SRGAP2: variants seen among roughly 807,000 people sequenced by gnomAD.
SRGAP2 encodes SLIT-ROBO Rho GTPase-activating protein 2.
In SRGAP2, 15 loss-of-function variants were observed where a neutral mutation model predicts 57.2. That is an observed-to-expected ratio of 0.26 (90% CI 0.18 to 0.40). SRGAP2 has a LOEUF of 0.40. Among genes scored for constraint, SRGAP2 ranks in the 10% least tolerant of loss-of-function variants. The probability of loss-of-function intolerance (pLI) is 1.00; values close to 1 mark genes in which losing one functional copy is unlikely to be tolerated. For missense variants in SRGAP2, 520 were observed against 669.6 expected, an observed-to-expected ratio of 0.78 and a Z score of 2.47; for synonymous variants, 249 against 248.0, an observed-to-expected ratio of 1.00 and a Z score of -0.04.
intron 11 of SRGAP2, among the ~76,000 whole-genome samples, chr1:206,417,981 G>A (rs1443078019): frequency 5.3e-5 from 8 of 151,372 alleles, no homozygotes; most frequent in African/African-American, 1.9e-4. Flanking sequence ...TCACATTTGT[G>A]TGTGTGAGTG....
At chr1:206,377,219 T>A (rs1655289632) in intron 4 of SRGAP2, among the ~76,000 whole-genome samples, 1 of 152,080 alleles carries the variant, frequency 6.6e-6, no homozygotes, top group Non-Finnish European at 1.5e-5. Flanking sequence ...ACTAGTCAAG[T>A]TTCTGACATT....
intron 3 of SRGAP2, among the ~76,000 whole-genome samples, chr1:206,309,505 G>A (rs1672478533): frequency 6.7e-6 from 1 of 149,220 alleles, no homozygotes; most frequent in African/African-American, 2.5e-5. Flanking sequence ...AAAGGAAGTA[G>A]GAATATATTC....
intron 3 of SRGAP2, among the ~76,000 whole-genome samples, chr1:206,338,681 A>C (rs1274466000): frequency 1.6e-5 from 1 of 64,300 alleles, no homozygotes; most frequent in Non-Finnish European, 2.9e-5. Flanking sequence ...AATATGTCTG[A>C]GAAAGCTTAC....
At chr1:206,350,996 A>G (rs1229096324) in intron 4 of SRGAP2, among the ~76,000 whole-genome samples, 1 of 151,794 alleles carries the variant, frequency 6.6e-6, no homozygotes, top group African/African-American at 2.4e-5. Context: ...CACTAAGGAA[A>G]TGAATCTGGT....
intron 2 of SRGAP2, among the ~76,000 whole-genome samples, chr1:206,292,443 A>G (rs1479532137): frequency 4.6e-5 from 7 of 151,848 alleles, no homozygotes; most frequent in African/African-American, 1.7e-4. Context: ...CAGCCATTGC[A>G]ACAGGAACTG....
chr1:206,427,107 C>A (rs1553366610), intron 13 of SRGAP2, among the ~76,000 whole-genome samples: 1 of 151,960 alleles, frequency 6.6e-6, no homozygotes, highest in African/African-American at 2.4e-5. Flanking sequence ...TCAGGTCTTA[C>A]ATTGAAGTCT....
At chr1:206,279,629 G>A (rs1442799199) in intron 2 of SRGAP2, among the ~76,000 whole-genome samples, 1 of 137,822 alleles carries the variant, frequency 7.3e-6, no homozygotes, top group Admixed American at 7.2e-5. Context: ...ATTTTGCCCA[G>A]GCTGGTCTCG....
At chr1:206,409,776 T>C (rs1232453781) in intron 10 of SRGAP2, among the ~76,000 whole-genome samples, 44 of 146,608 alleles carry the variant, frequency 3.0e-4, no homozygotes, top group Non-Finnish European at 6.0e-4. Context: ...AGTAAGACTC[T>C]GCCTAAAAAA....
intron 4 of SRGAP2, among the ~76,000 whole-genome samples, chr1:206,347,808 G>T (rs1675755573): frequency 6.7e-6 from 1 of 149,136 alleles, no homozygotes; most frequent in Non-Finnish European, 1.5e-5. Flanking sequence ...CCTTCAAAGG[G>T]TATGGAGATG....
At chr1:206,359,701 G>A (rs1250146318) in intron 4 of SRGAP2, among the ~76,000 whole-genome samples, 1 of 126,308 alleles carries the variant, frequency 7.9e-6, no homozygotes, top group South Asian at 2.9e-4. Flanking sequence ...TATTCTAATA[G>A]TTGAAACAGA....
chr1:206,416,118 C>G, intron 11 of SRGAP2, 145 bp downstream of exon 11: 1 of 608,168 alleles, frequency 1.6e-6, no homozygotes, highest in Non-Finnish European at 2.9e-6. Context: ...GATGTGGAAG[C>G]ACACACCCCA....
At chr1:206,386,594 G>A (rs1266562413) in intron 5 of SRGAP2, among the ~76,000 whole-genome samples, 5 of 128,154 alleles carry the variant, frequency 3.9e-5, no homozygotes, top group East Asian at 4.3e-4. Flanking sequence ...TCAGGAGATC[G>A]AGACCATCCT....
intron 13 of SRGAP2, among the ~76,000 whole-genome samples, chr1:206,427,307 G>A (rs74145641): frequency 1.6e-3 from 250 of 152,250 alleles, no homozygotes; most frequent in African/African-American, 5.7e-3. Context: ...GGGAAGAGAA[G>A]ACAAAGATTC....
chr1:206,364,399 T>C (rs548265910), intron 4 of SRGAP2, among the ~76,000 whole-genome samples: 1 of 151,296 alleles, frequency 6.6e-6, no homozygotes, highest in African/African-American at 2.4e-5. Flanking sequence ...CCTCCCAGGT[T>C]CAAGTGATTC....
chr1:206,320,912 G>A (rs1251392574), intron 3 of SRGAP2, among the ~76,000 whole-genome samples: 1 of 150,526 alleles, frequency 6.6e-6, no homozygotes, highest in Non-Finnish European at 1.5e-5. Context: ...ACATACTTTA[G>A]GGTGTATTTA....
intron 2 of SRGAP2, among the ~76,000 whole-genome samples, chr1:206,228,905 G>A (rs1168068715): frequency 2.9e-4 from 44 of 150,030 alleles, no homozygotes; most frequent in South Asian, 1.5e-3. Context: ...TTGTTGGGGT[G>A]TGTTAGAAAA....
chr1:206,241,197 CA>C (rs1199439542), intron 2 of SRGAP2, among the ~76,000 whole-genome samples: 2 of 152,084 alleles, frequency 1.3e-5, no homozygotes, highest in African/African-American at 4.8e-5. Context: ...AACAAGCTAA[CA>C]AAAAACCCCC....
chr1:206,348,057 C>T (rs1675776742), intron 4 of SRGAP2, among the ~76,000 whole-genome samples: 1 of 147,488 alleles, frequency 6.8e-6, no homozygotes, highest in East Asian at 1.9e-4. Context: ...GCTATTGAAC[C>T]CCCTTAAGGG....
chr1:206,431,140 TG>T (rs1215556574), intron 14 of SRGAP2, among the ~76,000 whole-genome samples: 1 of 152,230 alleles, frequency 6.6e-6, no homozygotes, highest in African/African-American at 2.4e-5. Flanking sequence ...GGTTCATTTT[TG>T]GAATAGTAAT....
Sources: gnomAD v4.1 joint callset for allele counts (sites outside exome capture counted in the v4.1 genomes callset) on GRCh38, gnomAD v4.1.1 for gene constraint, MANE v1.5 for transcripts, NCBI Gene and HGNC (gene_info 2026-07-23, HGNC 2026-07-21) for gene names.